KCND2: variants seen among roughly 807,000 people sequenced by gnomAD.
The protein encoded by KCND2 is A-type voltage-gated potassium channel KCND2.
In KCND2, 16 loss-of-function variants were observed where a neutral mutation model predicts 54.4. The observed-to-expected ratio is 0.29, with a 90% CI of 0.20 to 0.45. KCND2 has a LOEUF of 0.45. Among genes scored for constraint, KCND2 ranks in the 20% least tolerant of loss-of-function variants. The probability of loss-of-function intolerance (pLI) is 1.00; values close to 1 mark genes in which losing one functional copy is unlikely to be tolerated. For synonymous variants in KCND2, 317 were observed against 310.7 expected, an observed-to-expected ratio of 1.02 and a Z score of -0.21; for missense variants, 486 against 824.2, an observed-to-expected ratio of 0.59 and a Z score of 5.02.
intron 1 of KCND2, among the ~76,000 whole-genome samples, chr7:120,662,851 A>G (rs972508572): frequency 6.6e-6 from 1 of 152,256 alleles, no homozygotes; most frequent in South Asian, 2.1e-4. Context: ...ATAGATCCCA[A>G]TGCTTTTGAA....
At chr7:120,383,419 A>G (rs991621668) in intron 1 of KCND2, among the ~76,000 whole-genome samples, 17 of 152,000 alleles carry the variant, frequency 1.1e-4, no homozygotes, top group Non-Finnish European at 4.4e-5. Context: ...ATTCAAATTA[A>G]GTTTTTCTTC....
At chr7:120,308,589 C>A (rs1425405997) in intron 1 of KCND2, among the ~76,000 whole-genome samples, 3 of 152,280 alleles carry the variant, frequency 2.0e-5, no homozygotes, top group Non-Finnish European at 2.9e-5. Context: ...TTGGTCCATA[C>A]AATTTGTTGA....
intron 1 of KCND2, among the ~76,000 whole-genome samples, chr7:120,394,336 C>T (rs1404836699): frequency 6.6e-6 from 1 of 151,890 alleles, no homozygotes. Flanking sequence ...AAGTCTACCT[C>T]TTGCTGGAGG....
chr7:120,356,800 T>C (rs1800512514), intron 1 of KCND2, among the ~76,000 whole-genome samples: 1 of 152,136 alleles, frequency 6.6e-6, no homozygotes. Context: ...TCTATATCGT[T>C]ATTATTTTTC....
intron 1 of KCND2, among the ~76,000 whole-genome samples, chr7:120,501,413 G>T (rs781617914): frequency 5.3e-5 from 8 of 152,046 alleles, no homozygotes; most frequent in African/African-American, 1.4e-4. Flanking sequence ...TGTGATTGAG[G>T]TTCCTGAGCA....
chr7:120,523,212 G>A (rs1288944945), intron 1 of KCND2, among the ~76,000 whole-genome samples: 1 of 152,022 alleles, frequency 6.6e-6, no homozygotes, highest in Non-Finnish European at 1.5e-5. Flanking sequence ...TCATTTCCTA[G>A]AAGCTAAATG....
intron 1 of KCND2, among the ~76,000 whole-genome samples, chr7:120,586,321 C>G (rs992118005): frequency 2.6e-5 from 4 of 152,020 alleles, no homozygotes; most frequent in Non-Finnish European, 5.9e-5. Flanking sequence ...GTATTTTTTA[C>G]TGAGGTCTTT....
intron 1 of KCND2, among the ~76,000 whole-genome samples, chr7:120,285,541 T>C (rs1799327225): frequency 6.6e-6 from 1 of 151,942 alleles, no homozygotes; most frequent in Non-Finnish European, 1.5e-5. Context: ...GACATAAGAA[T>C]AGATGTCAAA....
At chr7:120,427,351 T>G (rs1459643175) in intron 1 of KCND2, among the ~76,000 whole-genome samples, 6 of 152,216 alleles carry the variant, frequency 3.9e-5, no homozygotes, top group Non-Finnish European at 1.5e-5. Flanking sequence ...AGTTTGCCCC[T>G]GTGGCCTGCA....
intron 1 of KCND2, among the ~76,000 whole-genome samples, chr7:120,367,713 G>C (rs1275875340): frequency 6.6e-6 from 1 of 151,574 alleles, no homozygotes; most frequent in Admixed American, 6.6e-5. Context: ...AAATAGCTAT[G>C]GGTTTGCTTC....
chr7:120,362,372 C>T (rs920215799), intron 1 of KCND2, among the ~76,000 whole-genome samples: 7 of 152,066 alleles, frequency 4.6e-5, no homozygotes, highest in East Asian at 3.9e-4. Context: ...TATAAGCCGT[C>T]GTATTCATCT....
At chr7:120,639,569 T>A (rs576506539) in intron 1 of KCND2, among the ~76,000 whole-genome samples, 1 of 152,288 alleles carries the variant, frequency 6.6e-6, no homozygotes, top group Admixed American at 6.5e-5. Context: ...ATGGGCACAG[T>A]AGTTTTTTAA....
At chr7:120,496,403 T>TTA (rs1033231258) in intron 1 of KCND2, among the ~76,000 whole-genome samples, 72 of 151,526 alleles carry the variant, frequency 4.8e-4, no homozygotes, top group African/African-American at 1.3e-3. Flanking sequence ...AGCTTTTCTT[T>TTA]TATATATATA....
intron 1 of KCND2, among the ~76,000 whole-genome samples, chr7:120,601,329 G>C (rs957689383): frequency 2.6e-5 from 4 of 152,068 alleles, no homozygotes; most frequent in African/African-American, 9.7e-5. Flanking sequence ...TTAAAAAACT[G>C]GGAAGGGAAC....
At chr7:120,562,277 T>G (rs148134694) in intron 1 of KCND2, among the ~76,000 whole-genome samples, 66 of 152,142 alleles carry the variant, frequency 4.3e-4, no homozygotes, top group Non-Finnish European at 6.9e-4. Context: ...TTAACTGAGA[T>G]AAAGATGTCA....
chr7:120,312,693 A>C (rs1270657593), intron 1 of KCND2, among the ~76,000 whole-genome samples: 1 of 152,130 alleles, frequency 6.6e-6, no homozygotes, highest in South Asian at 2.1e-4. Context: ...TAATAGTTCT[A>C]GCTTAGCCTT....
chr7:120,395,002 G>T (rs1167789587), intron 1 of KCND2, among the ~76,000 whole-genome samples: 1 of 151,920 alleles, frequency 6.6e-6, no homozygotes, highest in African/African-American at 2.4e-5. Flanking sequence ...TTCAAATTAA[G>T]GATACCAAGT....
intron 1 of KCND2, among the ~76,000 whole-genome samples, chr7:120,666,952 C>T (rs1190760586): frequency 6.6e-6 from 1 of 151,886 alleles, no homozygotes; most frequent in Non-Finnish European, 1.5e-5. Flanking sequence ...TTTATCTACA[C>T]TGAATCAAAG....
At chr7:120,553,547 T>C (rs190964840) in intron 1 of KCND2, among the ~76,000 whole-genome samples, 376 of 152,314 alleles carry the variant, frequency 2.5e-3, no homozygotes, top group Non-Finnish European at 3.9e-3. Flanking sequence ...GCTTTGTACC[T>C]AGAAGGTATC....
Sources: gnomAD v4.1 joint callset for allele counts (sites outside exome capture counted in the v4.1 genomes callset) on GRCh38, gnomAD v4.1.1 for gene constraint, MANE v1.5 for transcripts, NCBI Gene and HGNC (gene_info 2026-07-23, HGNC 2026-07-21) for gene names.